Variants in XRCC5 observed in about 807,000 individuals in gnomAD.
XRCC5 encodes the protein X-ray repair cross complementing 5, also known as DNA repair protein Ku80.
Under a neutral mutation model 95.7 loss-of-function variants are expected in XRCC5, and 12 were observed. The ratio of observed to expected loss-of-function variants is 0.13; its 90% CI spans 0.08 to 0.20. The LOEUF (loss-of-function observed/expected upper bound fraction) is 0.20. Ranked by LOEUF, XRCC5 falls within the 10% of genes least tolerant of loss-of-function variation. The pLI, the probability that XRCC5 is intolerant of heterozygous loss-of-function variation, is 1.00. For synonymous variants in XRCC5, 281 were observed against 290.3 expected, an observed-to-expected ratio of 0.97 and a Z score of 0.33; for missense variants, 595 against 873.9, an observed-to-expected ratio of 0.68 and a Z score of 4.02.
At chr2:216,168,670 T>C (rs1268616550) in intron 16 of XRCC5, among the ~76,000 whole-genome samples, 1 of 152,174 alleles carries the variant, frequency 6.6e-6, no homozygotes, top group Non-Finnish European at 1.5e-5. Flanking sequence ...AATGAAAGCA[T>C]GTTTGCTGTA....
intron 16 of XRCC5, among the ~76,000 whole-genome samples, chr2:216,164,713 C>T (rs144638132): frequency 2.6e-5 from 4 of 152,302 alleles, no homozygotes; most frequent in East Asian, 3.9e-4. Flanking sequence ...GGTGAATTTA[C>T]GCACAGTCAC....
chr2:216,190,987 T>G (rs780418652), intron 17 of XRCC5, among the ~76,000 whole-genome samples: 2 of 152,224 alleles, frequency 1.3e-5, no homozygotes, highest in Non-Finnish European at 2.9e-5. Context: ...ATTAAATACT[T>G]GGCGAACGTA....
chr2:216,146,006 A>G (rs947138235), intron 13 of XRCC5, among the ~76,000 whole-genome samples: 5 of 152,222 alleles, frequency 3.3e-5, no homozygotes, highest in African/African-American at 1.2e-4. Context: ...TATGCATAAT[A>G]AGAAGGTGGT....
intron 11 of XRCC5, 49 bp downstream of exon 11, chr2:216,137,274 C>T: frequency 6.4e-7 from 1 of 1,573,336 alleles, no homozygotes; most frequent in Non-Finnish European, 8.6e-7. Context: ...TTCCTTTATT[C>T]TAAGCAGTGT....
chr2:216,181,632 G>A (rs1281346781), intron 16 of XRCC5, among the ~76,000 whole-genome samples: 3 of 152,172 alleles, frequency 2.0e-5, no homozygotes, highest in Non-Finnish European at 1.5e-5. Context: ...AATGCCGCCC[G>A]TAGTTTTATT....
intron 16 of XRCC5, among the ~76,000 whole-genome samples, chr2:216,187,786 G>GACACACACAC (rs149998611): frequency 0.021 from 1,378 of 64,346 alleles, 102 homozygotes; most frequent in African/African-American, 0.028. Context: ...ATGAACTCCT[G>GACACACACAC]ACACACACAC....
chr2:216,114,192 G>A (rs1696641992), intron 2 of XRCC5, among the ~76,000 whole-genome samples: 1 of 152,136 alleles, frequency 6.6e-6, no homozygotes, highest in Non-Finnish European at 1.5e-5. Context: ...AGCATCAGCT[G>A]TTTTTATTTC....
At chr2:216,150,667 G>A (rs1159956789) in intron 14 of XRCC5, among the ~76,000 whole-genome samples, 1 of 152,188 alleles carries the variant, frequency 6.6e-6, no homozygotes, top group East Asian at 1.9e-4. Flanking sequence ...GCAGATAACC[G>A]AGGTCAGGAG....
chr2:216,131,224 T>TCC, intron 9 of XRCC5: 5 of 985,392 alleles, frequency 5.1e-6, no homozygotes, highest in Non-Finnish European at 6.0e-6. Context: ...GGTTTTTGAA[T>TCC]GGGGAATGGA....
At position 216,127,388 on chromosome 2, in the gene XRCC5, T is replaced by G. The variant is rs191503987; in HGVS notation, c.799-148T>G. 3.7e-4 allele frequency: 301 copies of G among 819,078 alleles called. 1 individual carries two copies. In the African/African-American group the frequency reaches 4.6e-3, roughly 13 times the overall value. The allele number at this position is 819,078 out of a possible 1,614,324, so 50.7% of individuals were successfully genotyped here. On this transcript the variant is annotated intron_variant, in intron 7 of 20. Transcript: ENST00000392132. The stretch of plus-strand genomic sequence containing the variant: ...ATTTTGTTATGAAATAAACTAAAAT[T>G]TTCATAATAGGCATGAGCAAACAAA...
rs1234951683 is a variant in XRCC5, at chr2:216,175,390, A to G, written c.1834+13342A>G. Reference sequence around the variant, plus strand: ...CACAACCCATAAAGTTGTCAGATCCACCTCCATCACCTCTGTGATCCTGCA... The same window carrying G: ...CACAACCCATAAAGTTGTCAGATCCGCCTCCATCACCTCTGTGATCCTGCA... On this transcript the variant is annotated intron_variant, in intron 16 of 20. Coordinates refer to ENST00000392132, the MANE Select transcript of XRCC5 (RefSeq NM_021141.4). 3 of 506,566 alleles carry G rather than the reference A, an allele frequency of 5.9e-6. No individual in the cohort carries two copies. In the East Asian group the frequency reaches 1.7e-4, roughly 28 times the overall value. The allele number at this position is 506,566 out of a possible 1,614,324, so 31.4% of individuals were successfully genotyped here.
At chr2:216,131,035 AAATGGTATG>A in intron 9 of XRCC5, 48 bp downstream of exon 9, 2 of 1,520,762 alleles carry the variant, frequency 1.3e-6, no homozygotes, top group South Asian at 2.4e-5. Flanking sequence ...CTGTTATTTG[AAATGGTATG>A]CTTTTGATTG....
At chr2:216,175,458 T>C (rs970522081) in intron 16 of XRCC5, 12 of 515,678 alleles carry the variant, frequency 2.3e-5, no homozygotes, top group Admixed American at 1.6e-4. Flanking sequence ...CACTTTACAG[T>C]TGTGCTTGTT....
intron 8 of XRCC5, 121 bp from the exon 9 acceptor site, chr2:216,130,754 A>C: frequency 3.3e-6 from 2 of 598,822 alleles, no homozygotes; most frequent in Non-Finnish European, 2.9e-6. Context: ...ATTCCAGGGA[A>C]TAGAAGATGG....
At chr2:216,194,081 C>T (rs936704197) in intron 18 of XRCC5, among the ~76,000 whole-genome samples, 3 of 152,114 alleles carry the variant, frequency 2.0e-5, no homozygotes, top group Admixed American at 1.3e-4. Flanking sequence ...TATTGGGCAC[C>T]GGATGTCTTG....
In XRCC5 at chr2:216,111,908, C is replaced by T. The variant is rs148063560; in HGVS notation, c.22-1108C>T. On this transcript the variant is annotated intron_variant, in intron 1 of 20. Coordinates refer to ENST00000392132, the MANE Select transcript of XRCC5 (RefSeq NM_021141.4). ...AGATGGGACTAGATCCCAGGTCTCC[C>T]GATTGCTATTATCTTTTTTCACCAG... 6.0e-3 allele frequency among the ~76,000 whole-genome samples: 917 copies of T among 152,254 alleles called. 2 individuals carry two copies. The highest frequency in any genetic ancestry group is 7.9e-3 in the Non-Finnish European group (539 of 68,018).
At chr2:216,193,409 TGAGATAAACTTTTCACTTATACTA>T (rs1427655840) in intron 18 of XRCC5, among the ~76,000 whole-genome samples, 55 of 152,364 alleles carry the variant, frequency 3.6e-4, no homozygotes, top group Middle Eastern at 3.4e-3. Context: ...ATTATGTTTA[TGAGATAAACTTTTCACTTATACTA>T]GAGATGCAAA....
At chr2:216,187,826 CT>C (rs1689531366) in intron 16 of XRCC5, among the ~76,000 whole-genome samples, 1 of 57,836 alleles carries the variant, frequency 1.7e-5, no homozygotes, top group African/African-American at 7.5e-5. Context: ...CACACACTCT[CT>C]CTCTCTCTCT....
At chr2:216,179,654 C>G (rs1279162693) in intron 16 of XRCC5, among the ~76,000 whole-genome samples, 5 of 152,034 alleles carry the variant, frequency 3.3e-5, no homozygotes, top group Non-Finnish European at 7.4e-5. Context: ...TTGAGAAGCT[C>G]AAGATGACTA....
Sources: allele counts gnomAD v4.1 joint callset (sites outside exome capture counted in the v4.1 genomes callset), GRCh38; gene constraint gnomAD v4.1.1; transcripts MANE v1.5; gene names NCBI Gene and HGNC (gene_info 2026-07-23, HGNC 2026-07-21).